DNAH12: variants seen among roughly 807,000 people sequenced by gnomAD.
DNAH12 encodes axonemal beta dynein heavy chain 12.
A neutral mutation model predicts 371.5 loss-of-function variants in DNAH12; 285 were observed. The ratio of observed to expected loss-of-function variants is 0.77; its 90% CI spans 0.70 to 0.85. The LOEUF (loss-of-function observed/expected upper bound fraction) is 0.85, where lower values mean the gene tolerates loss of function less well. DNAH12 is among the 40% of genes least tolerant of loss of function. The pLI, the probability that DNAH12 is intolerant of heterozygous loss-of-function variation, is 0.00. For synonymous variants in DNAH12, 1,200 were observed against 1,213.0 expected (o/e 0.99, Z 0.22); for missense variants, 3,611 against 3,689.4 (o/e 0.98, Z 0.55).
intron 66 of DNAH12, among the ~76,000 whole-genome samples, chr3:57,313,885 T>G (rs2061632201): frequency 6.6e-6 from 1 of 152,174 alleles, no homozygotes; most frequent in African/African-American, 2.4e-5. Flanking sequence ...AGAGTCTATG[T>G]GGCAGCCATA....
intron 7 of DNAH12, 133 bp from the exon 8 acceptor site, chr3:57,507,971 G>A (rs1575704280): frequency 1.1e-5 from 8 of 748,918 alleles, no homozygotes; most frequent in South Asian, 2.1e-5. Flanking sequence ...GGCAGATCAC[G>A]AGGTCAGGAG....
At chr3:57,400,238 A>G (rs2153350813) in intron 43 of DNAH12, among the ~76,000 whole-genome samples, 1 of 152,280 alleles carries the variant, frequency 6.6e-6, no homozygotes, top group Non-Finnish European at 1.5e-5. Context: ...CAGTGAGCTG[A>G]TATCGTGCCA....
chr3:57,519,544 C>A (rs2068331459), intron 4 of DNAH12: 2 of 622,058 alleles, frequency 3.2e-6, no homozygotes, highest in Admixed American at 5.1e-5. Flanking sequence ...TCCCAAAGGA[C>A]CACAGATCCA....
chr3:57,390,023 A>G lies in DNAH12; in HGVS notation c.7305+1849T>C, dbSNP rs1404320941. 2.0e-5 allele frequency among the ~76,000 whole-genome samples: 3 copies of G among 148,982 alleles called. No homozygotes were observed. In the East Asian group the frequency reaches 6.4e-4, roughly 32 times the overall value. On this transcript the variant is annotated intron_variant, in intron 45 of 73. Coordinates refer to ENST00000495027, the MANE Select transcript of DNAH12 (RefSeq NM_001366028.2). ...GGTAACTTTTGTATTTTTAGTAGAG[A>G]TGGGGTTTCACCATGTTGGCCAGGA...
chr3:57,339,565 C>T (rs1553655410), intron 60 of DNAH12, among the ~76,000 whole-genome samples: 1 of 151,914 alleles, frequency 6.6e-6, no homozygotes. Flanking sequence ...TTATTATATA[C>T]TTTCAAATAG....
At chr3:57,446,814 T>C (rs370111627) in intron 25 of DNAH12, 125 bp from the exon 26 acceptor site, 5 of 1,043,008 alleles carry the variant, frequency 4.8e-6, no homozygotes, top group Non-Finnish European at 6.3e-6. Context: ...AATTACATTG[T>C]TTAATTTTTA....
At chr3:57,301,961 C>A in intron 69 of DNAH12, 22 bp from the exon 70 acceptor site, 1 of 1,544,956 alleles carries the variant, frequency 6.5e-7, no homozygotes, top group South Asian at 1.2e-5. Flanking sequence ...GAAATTATGT[C>A]ATCAACATAT....
chr3:57,431,376 C>A (rs2064951732), intron 32 of DNAH12, among the ~76,000 whole-genome samples: 2 of 152,206 alleles, frequency 1.3e-5, no homozygotes, highest in South Asian at 4.1e-4. Context: ...AGATCCTTGA[C>A]CACCTTGCTC....
At chr3:57,307,545 AC>A (rs1321910892) in intron 69 of DNAH12, among the ~76,000 whole-genome samples, 1 of 152,096 alleles carries the variant, frequency 6.6e-6, no homozygotes, top group African/African-American at 2.4e-5. Context: ...CCACCCTAAT[AC>A]TTTTAGAGGC....
intron 38 of DNAH12, 35 bp downstream of exon 38, chr3:57,415,391 T>G: frequency 6.5e-7 from 1 of 1,538,018 alleles, no homozygotes; most frequent in Non-Finnish European, 8.7e-7. Context: ...ACAAAAAAAT[T>G]AACGATAGAC....
chr3:57,443,699 GTTTCC>G, intron 29 of DNAH12, among the ~76,000 whole-genome samples: 1 of 151,510 alleles, frequency 6.6e-6, no homozygotes, highest in Non-Finnish European at 1.5e-5. Context: ...GTTAAGGACT[GTTTCC>G]TTTAAAAAAA....
intron 43 of DNAH12, among the ~76,000 whole-genome samples, chr3:57,398,665 T>TA (rs2063794271): frequency 6.6e-6 from 1 of 152,168 alleles, no homozygotes; most frequent in Admixed American, 6.5e-5. Context: ...TGCAGAAAGA[T>TA]AAAAACCTGT....
At chr3:57,476,990 A>G (rs2066550824) in intron 13 of DNAH12, among the ~76,000 whole-genome samples, 1 of 152,206 alleles carries the variant, frequency 6.6e-6, no homozygotes, top group Non-Finnish European at 1.5e-5. Context: ...TACAGCTCCC[A>G]GTGTGAGCGA....
intron 2 of DNAH12, chr3:57,530,401 C>G (rs2068799813): frequency 5.1e-6 from 3 of 592,902 alleles, no homozygotes; most frequent in Non-Finnish European, 9.3e-6. Flanking sequence ...TCCCAGGCCT[C>G]TAGCACATAG....
rs1438110282 is a variant in DNAH12 at position 57,293,924 on chromosome 3, A to G, written c.11740T>C (p.Tyr3914His). The change falls in exon 74 of 74, where the codon TAC becomes CAC. Residue 3914 changes from tyrosine (Y) to histidine (H), a missense_variant. Transcript: ENST00000495027. ...IKSDAYVCPLYKTSERKGTLS... is the reference protein window; with the variant it reads ...IKSDAYVCPLHKTSERKGTLS... ...GTTCCTTTACGTTCACTTGTCTTGTAGAGGGGACAGACATAGGCATCCGAC... is the reference window on the plus strand; with the variant it reads ...GTTCCTTTACGTTCACTTGTCTTGTGGAGGGGACAGACATAGGCATCCGAC... The G allele has an allele frequency of 3.3e-6, 5 of 1,528,718 alleles. No individual in the cohort carries two copies. Among genetic ancestry groups the G allele is most frequent in the Non-Finnish European group, 4.4e-6 (5 of 1,135,648 alleles). The allele number at this position is 1,528,718 out of a possible 1,614,324, so 94.7% of individuals were successfully genotyped here.
chr3:57,338,703 C>T (rs1003565418), intron 60 of DNAH12, among the ~76,000 whole-genome samples: 15 of 150,178 alleles, frequency 1.0e-4, no homozygotes, highest in Admixed American at 5.9e-4. Flanking sequence ...TCTGCCCGGC[C>T]GCCCCATCTT....
At chr3:57,363,076 A>C (rs2062973684) in intron 58 of DNAH12, among the ~76,000 whole-genome samples, 1 of 152,008 alleles carries the variant, frequency 6.6e-6, no homozygotes, top group African/African-American at 2.4e-5. Context: ...CAGTTTCAAC[A>C]GAGTTATAGA....
At chr3:57,429,822 T>C in intron 32 of DNAH12, 48 bp from the exon 33 acceptor site, 1 of 1,455,292 alleles carries the variant, frequency 6.9e-7, no homozygotes, top group Non-Finnish European at 9.1e-7. Flanking sequence ...ATTTCAAGTT[T>C]CTCAGATAAA....
At chr3:57,450,250 TAA>T (rs58958877) in intron 25 of DNAH12, among the ~76,000 whole-genome samples, 5 of 98,570 alleles carry the variant, frequency 5.1e-5, no homozygotes, top group Admixed American at 1.1e-4. Context: ...TGTCTCAATT[TAA>T]AAAAAAAAAA....
Sources: allele counts gnomAD v4.1 joint callset (sites outside exome capture counted in the v4.1 genomes callset), GRCh38; gene constraint gnomAD v4.1.1; transcripts MANE v1.5; gene names NCBI Gene and HGNC (gene_info 2026-07-23, HGNC 2026-07-21).